VPS13A: variants seen among roughly 807,000 people sequenced by gnomAD.
VPS13A encodes the protein intermembrane lipid transfer protein VPS13A.
In VPS13A, 264 loss-of-function variants were observed where a neutral mutation model predicts 390.9. The ratio of observed to expected loss-of-function variants is 0.68; its 90% CI spans 0.61 to 0.75. The LOEUF is 0.75. Among genes scored for constraint, VPS13A ranks in the 30% least tolerant of loss-of-function variants. The probability of loss-of-function intolerance (pLI) is 0.00; values close to 1 mark genes in which losing one functional copy is unlikely to be tolerated. For missense variants in VPS13A, 3,409 were observed against 3,733.9 expected (o/e 0.91, Z 2.27); for synonymous variants, 1,231 against 1,227.1 (o/e 1.00, Z -0.07).
intron 31 of VPS13A, 51 bp from the exon 32 acceptor site, chr9:77,293,290 A>G: frequency 3.4e-6 from 5 of 1,490,222 alleles, no homozygotes; most frequent in Non-Finnish European, 4.7e-6. Flanking sequence ...TTGTACTGAA[A>G]ATACATCATT....
chr9:77,269,016 A>G (rs1417489802), intron 23 of VPS13A, among the ~76,000 whole-genome samples: 1 of 150,586 alleles, frequency 6.6e-6, no homozygotes, highest in Non-Finnish European at 1.5e-5. Flanking sequence ...TTCTTTTCCT[A>G]GTCTGTTGGT....
intron 10 of VPS13A, among the ~76,000 whole-genome samples, chr9:77,219,260 T>C (rs60178812): frequency 0.018 from 2,756 of 152,286 alleles, 56 homozygotes; most frequent in African/African-American, 0.049. Context: ...ATGTTTAATG[T>C]TTAAGAAATT....
At chr9:77,382,928 A>G (rs1173959664) in intron 68 of VPS13A, 12 of 985,154 alleles carry the variant, frequency 1.2e-5, no homozygotes, top group African/African-American at 1.7e-5. Flanking sequence ...TAGTAATCAT[A>G]TATAGGCTAT....
At chr9:77,403,044 TGTTAAATA>T in intron 68 of VPS13A, among the ~76,000 whole-genome samples, 184 bp from the exon 69 acceptor site, 1 of 152,206 alleles carries the variant, frequency 6.6e-6, no homozygotes, top group East Asian at 1.9e-4. Context: ...AACTGAGTAA[TGTTAAATA>T]AAGTAGTGCA....
chr9:77,234,592 A>T (rs1012088605), intron 17 of VPS13A, among the ~76,000 whole-genome samples: 10 of 152,124 alleles, frequency 6.6e-5, no homozygotes. Context: ...GTATTGTTGT[A>T]TCATGTTTTT....
rs745773986 is a variant in VPS13A, at chr9:77,314,611, A to C, written c.4359A>C (p.Leu1453Phe). The change falls in exon 37 of 72, where the codon TTA (leucine) becomes TTC (phenylalanine). Residue 1453 changes from leucine (L) to phenylalanine (F), a missense_variant. Physicochemically the swap from Leu to Phe is conservative, Grantham distance 22. Transcript: ENST00000360280. Reference protein sequence around the residue: ...TDGSTFSSFSLKNCILDDKRP... With the variant: ...TDGSTFSSFSFKNCILDDKRP... ...GCTCAACATTTTCTTCCTTCTCATT[A>C]AAAAACTGTATTTTAGATGATAAAA... 1 of 1,612,160 alleles carries C rather than the reference A, an allele frequency of 6.2e-7. No homozygotes were observed. Among genetic ancestry groups the C allele is most frequent in the Non-Finnish European group, 8.5e-7 (1 of 1,178,998 alleles).
intron 26 of VPS13A, 81 bp downstream of exon 26, chr9:77,276,302 T>C (rs1246365815): frequency 3.2e-6 from 4 of 1,256,118 alleles, no homozygotes; most frequent in Non-Finnish European, 4.3e-6. Context: ...TTCTTTAGGC[T>C]CTGAATCAGT....
intron 31 of VPS13A, among the ~76,000 whole-genome samples, chr9:77,288,148 G>GT (rs559703935): frequency 9.2e-4 from 139 of 150,574 alleles, no homozygotes; most frequent in Non-Finnish European, 1.6e-3. Context: ...AGTCTTTCAC[G>GT]TTTTTTTTTC....
chr9:77,345,184 C>G lies in VPS13A; in HGVS notation c.7289+42C>G, dbSNP rs1272155702. ...TACAGTAACTCTTGATGGTGTAAGT[C>G]TAGATGATGAGGCACAGTTTTTTTT... On this transcript the variant is annotated intron_variant, in intron 52 of 71. Coordinates refer to ENST00000360280, the MANE Select transcript of VPS13A (RefSeq NM_033305.3). The G allele has an allele frequency of 2.5e-6, 4 of 1,601,440 alleles. No individual in the cohort carries two copies. The Admixed American group carries it at 5.0e-5, about 20-fold the overall frequency.
At chr9:77,313,779 A>G (rs1829227332) in intron 35 of VPS13A, among the ~76,000 whole-genome samples, 1 of 152,212 alleles carries the variant, frequency 6.6e-6, no homozygotes, top group Non-Finnish European at 1.5e-5. Flanking sequence ...AAATAGAAAC[A>G]CCAAGTGTTC....
intron 33 of VPS13A, among the ~76,000 whole-genome samples, chr9:77,297,199 T>C (rs1399537195): frequency 6.6e-6 from 1 of 152,136 alleles, no homozygotes; most frequent in Non-Finnish European, 1.5e-5. Flanking sequence ...ATAGCTAAGA[T>C]TATTGATTTG....
Position 77,213,284 on chromosome 9 carries a change from G to A in VPS13A, c.666G>A (p.Met222Ile). 6.2e-7 allele frequency: 1 copy of A among 1,613,548 alleles called. No individual in the cohort carries two copies. The highest frequency in any genetic ancestry group is 8.5e-7 in the Non-Finnish European group (1 of 1,179,804). The change falls in exon 9 of 72, where the codon ATG becomes ATA. Residue 222 changes from methionine (M) to isoleucine (I), a missense_variant. Coordinates refer to ENST00000360280, the MANE Select transcript of VPS13A (RefSeq NM_033305.3). ...LFAYWNVKSQ[M>I]FYLSDYDNSL... ...CCTATTGGAATGTGAAGTCTCAGAT[G>A]TTTTATCTTAGTGATTATGATAACT...
chr9:77,313,883 T>C (rs1829232684), intron 35 of VPS13A, 109 bp from the exon 36 acceptor site: 2 of 1,205,514 alleles, frequency 1.7e-6, no homozygotes, highest in Admixed American at 2.3e-5. Flanking sequence ...TTCTTGAATG[T>C]CATTTTACTA....
In VPS13A at chr9:77,238,034, C is replaced by T. The variant is rs1325083467; in HGVS notation, c.1628C>T (p.Thr543Ile). The change falls in exon 18 of 72, where the codon ACT becomes ATT. Residue 543 changes from threonine (T) to isoleucine (I), a missense_variant. This residue lies in a region of VPS13A where 2,717 missense variants were observed against 2,917.4 expected (regional missense o/e 0.93). Transcript: ENST00000360280. ...ACTAAAATAGATTCATTTCATATTA[C>T]TGGCTTACCAGATAATTCAGAAAAA... ...FETKIDSFHI[T>I]GLPDNSEKPR... 3 of 1,611,300 alleles carry T rather than the reference C, an allele frequency of 1.9e-6. No individual in the cohort carries two copies. The highest frequency in any genetic ancestry group is 3.3e-4 in the Middle Eastern group (2 of 6,032).
At chr9:77,272,912 C>G (rs963933458) in intron 23 of VPS13A, among the ~76,000 whole-genome samples, 2 of 152,054 alleles carry the variant, frequency 1.3e-5, no homozygotes, top group East Asian at 3.9e-4. Context: ...TTTCAGAGAT[C>G]AAAAATAAAA....
chr9:77,357,704 C>T lies in VPS13A; in HGVS notation c.7819C>T (p.Pro2607Ser). 1 of 1,613,802 alleles carries T rather than the reference C, an allele frequency of 6.2e-7. No individual in the cohort carries two copies. The highest frequency in any genetic ancestry group is 8.5e-7 in the Non-Finnish European group (1 of 1,179,940). ...ACATATTTTTCAGGTTCGCCTAACC[C>T]CTACTGGTCATAACATGAAAATTCT... ...LDTNVPVRLT[P>S]TGHNMKILQP... is the part of the protein sequence containing the mutation. The change falls in exon 56 of 72, where the codon CCT becomes TCT. Residue 2607 changes from proline (P) to serine (S), a missense_variant. Physicochemically the swap from Pro to Ser is moderately conservative, Grantham distance 74 (BLOSUM62 -1). Around this residue, in one of 5 missense-constraint regions of VPS13A, gnomAD observed 221 missense variants for 300.7 expected, o/e 0.73. Transcript: ENST00000360280.
chr9:77,345,079 A>T lies in VPS13A; in HGVS notation c.7226A>T (p.Asp2409Val). The change falls in exon 52 of 72, where the codon GAT (aspartate) becomes GTT (valine). Residue 2409 changes from aspartate to valine, a missense_variant. Asp to Val is a radical substitution (Grantham distance 152). Around this residue, in one of 5 missense-constraint regions of VPS13A, gnomAD observed 2,717 missense variants for 2,917.4 expected, o/e 0.93. Transcript: ENST00000360280. ...GTTATTACATTTTTAGATTATCATGATGGAGCAGCTACATTCCTCTTAATA... is the reference window on the plus strand; with the variant it reads ...GTTATTACATTTTTAGATTATCATGTTGGAGCAGCTACATTCCTCTTAATA... Reference protein sequence around the residue: ...STVITFLDYHDGAATFLLINH... With the variant: ...STVITFLDYHVGAATFLLINH... 1 of 1,613,340 alleles carries T rather than the reference A, an allele frequency of 6.2e-7. No individual in the cohort carries two copies. Among genetic ancestry groups the T allele is most frequent in the Non-Finnish European group, 8.5e-7 (1 of 1,179,800 alleles).
intron 59 of VPS13A, among the ~76,000 whole-genome samples, chr9:77,365,089 A>C (rs978701990): frequency 6.6e-6 from 1 of 152,200 alleles, no homozygotes; most frequent in African/African-American, 2.4e-5. Context: ...TGTAGGATGC[A>C]TTAAAGCAAT....
At chr9:77,289,319 A>G (rs11145374) in intron 31 of VPS13A, among the ~76,000 whole-genome samples, 6,211 of 152,164 alleles carry the variant, frequency 0.041, 210 homozygotes, top group African/African-American at 0.091. Flanking sequence ...TGTTTAGACT[A>G]TTTTATAAAA....
Sources: allele counts gnomAD v4.1 joint callset (sites outside exome capture counted in the v4.1 genomes callset), GRCh38; gene constraint gnomAD v4.1.1; regional missense constraint gnomAD v4.1.1; transcripts MANE v1.5; gene names NCBI Gene and HGNC (gene_info 2026-07-23, HGNC 2026-07-21).